The following PRR27 variants were observed in gnomAD, a reference collection of about 807,000 sequenced individuals.
The protein encoded by PRR27 is proline-rich protein 27.
In PRR27, 12 loss-of-function variants were observed where a neutral mutation model predicts 16.8. The observed-to-expected ratio is 0.71, with a 90% confidence interval of 0.46 to 1.16. The LOEUF (loss-of-function observed/expected upper bound fraction) is 1.16. Among genes scored for constraint, PRR27 ranks in the 50% most tolerant of loss-of-function variants. PRR27 has a pLI of 0.00. For missense variants in PRR27, 277 were observed against 273.3 expected (o/e 1.01, Z -0.10); for synonymous variants, 100 against 98.4 (o/e 1.02, Z -0.10).
chr4:70,158,267 C>A, intron 2 of PRR27, 61 bp from the exon 3 acceptor site: 1 of 1,015,420 alleles, frequency 9.8e-7, no homozygotes, highest in Non-Finnish European at 1.5e-6. Context: ...ACAGTTGTAC[C>A]ATAAGTAATA....
At position 70,162,843 on chromosome 4, in the gene PRR27, T is replaced by A. The variant is rs1260311998; in HGVS notation, c.*182T>A. The A allele has an allele frequency of 3.3e-5, 5 of 152,150 alleles. No homozygotes were observed. Among genetic ancestry groups the A allele is most frequent in the Non-Finnish European group, 7.3e-5 (5 of 68,032 alleles). 9.4% of individuals were successfully genotyped at this position (152,150 alleles called of 1,614,324 possible). ...GACTTAATTTATATTGAAAAAACATTGATAATTAAATAAATAAAATAGATA... is the reference window on the plus strand; with the variant it reads ...GACTTAATTTATATTGAAAAAACATAGATAATTAAATAAATAAAATAGATA... On this transcript the variant is annotated 3_prime_UTR_variant, in exon 5 of 5. Coordinates refer to ENST00000344526, the MANE Select transcript of PRR27 (RefSeq NM_214711.4).
intron 3 of PRR27, among the ~76,000 whole-genome samples, chr4:70,160,433 C>CTG (rs1484201599): frequency 3.9e-4 from 16 of 40,822 alleles, no homozygotes; most frequent in Non-Finnish European, 7.9e-4. Context: ...CTCTCTCTCT[C>CTG]TCTCTCTCTC....
At chr4:70,161,729 T>C (rs942867199) in intron 4 of PRR27, 99 bp downstream of exon 4, 1 of 513,746 alleles carries the variant, frequency 1.9e-6, no homozygotes, top group East Asian at 3.4e-5. Context: ...TTTTACTACA[T>C]GAAAATGAGA....
At chr4:70,156,024 C>T (rs1314205435) in intron 1 of PRR27, 30 bp from the exon 2 acceptor site, 2 of 1,372,098 alleles carry the variant, frequency 1.5e-6, no homozygotes, top group African/African-American at 1.5e-5. Flanking sequence ...AATACATAAC[C>T]GCATTAAAAT....
At chr4:70,160,431 C>CTGTGTGTGTG (rs1225227203) in intron 3 of PRR27, among the ~76,000 whole-genome samples, 1 of 58,632 alleles carries the variant, frequency 1.7e-5, no homozygotes, top group African/African-American at 4.4e-5. Context: ...CTCTCTCTCT[C>CTGTGTGTGTG]TCTCTCTCTC....
chr4:70,156,102 C>T, intron 2 of PRR27, 25 bp downstream of exon 2: 4 of 1,304,684 alleles, frequency 3.1e-6, no homozygotes, highest in Non-Finnish European at 4.1e-6. Context: ...TCTTTACACG[C>T]AAGTATATTT....
chr4:70,157,955 A>C (rs181111248), intron 2 of PRR27, among the ~76,000 whole-genome samples: 1,531 of 145,944 alleles, frequency 0.01, 13 homozygotes, highest in Middle Eastern at 0.039. Flanking sequence ...TGCTGAGCGC[A>C]GTGGGAAAGA....
intron 3 of PRR27, 147 bp downstream of exon 3, chr4:70,159,047 C>T: frequency 1.4e-6 from 1 of 721,344 alleles, no homozygotes; most frequent in Non-Finnish European, 2.3e-6. Context: ...CCACAAACTA[C>T]ACATATTGAA....
In PRR27 at chr4:70,154,336, C is replaced by T. The variant is rs1330491207; in HGVS notation, c.-40C>T. The T allele has an allele frequency of 6.7e-7, 1 of 1,484,382 alleles. No individual in the cohort carries two copies. The highest frequency in any genetic ancestry group is 1.4e-5 in the African/African-American group (1 of 71,676). 92.0% of individuals were successfully genotyped at this position (1,484,382 alleles called of 1,614,324 possible). ...AAAATACATTGCGTATTTTCTAAAA[C>T]AATAAATTTATAGTGTTAATATTCA... is the stretch of plus-strand genomic sequence containing the variant. On this transcript the variant is annotated 5_prime_UTR_variant, in exon 1 of 5. Coordinates refer to ENST00000344526, the MANE Select transcript of PRR27 (RefSeq NM_214711.4).
chr4:70,160,443 C>CTCTCTCTCTGTGTG (rs1298386504), intron 3 of PRR27, among the ~76,000 whole-genome samples: 53 of 68,704 alleles, frequency 7.7e-4, no homozygotes, highest in South Asian at 2.6e-3. Context: ...CTCTCTCTCT[C>CTCTCTCTCTGTGTG]TGTGTGTGTG....
chr4:70,159,647 C>T (rs1342297728), intron 3 of PRR27, among the ~76,000 whole-genome samples: 2 of 152,188 alleles, frequency 1.3e-5, no homozygotes, highest in East Asian at 1.9e-4. Context: ...CTATAACATA[C>T]ACAACGTGTA....
At position 70,161,688 on chromosome 4, in the gene PRR27, A is replaced by G. The variant is rs143077143; in HGVS notation, c.*33+58A>G. ...TATAGATAAAGAGGTTAAATCTCAT[A>G]ATCTGAAGCTACCTTGGAATGTATT... On this transcript the variant is annotated intron_variant, in intron 4 of 4. Coordinates refer to ENST00000344526, the MANE Select transcript of PRR27 (RefSeq NM_214711.4). 1,906 of 764,642 alleles carry G rather than the reference A, an allele frequency of 2.5e-3. 7 individuals carry two copies. The highest frequency in any genetic ancestry group is 2.3e-3 in the Non-Finnish European group (1,118 of 477,234). 47.4% of individuals were successfully genotyped at this position (764,642 alleles called of 1,614,324 possible). A position where few individuals can be genotyped will look rare whatever the true frequency, so the allele number is the denominator to read the frequency against.
At chr4:70,154,855 G>A (rs999553628) in intron 1 of PRR27, 2 of 945,916 alleles carry the variant, frequency 2.1e-6, no homozygotes, top group African/African-American at 1.7e-5. Flanking sequence ...CATACCTTTA[G>A]TGGACTGTAA....
intron 1 of PRR27, among the ~76,000 whole-genome samples, 174 bp from the exon 2 acceptor site, chr4:70,155,880 C>A (rs1162938099): frequency 6.6e-6 from 1 of 151,912 alleles, no homozygotes; most frequent in East Asian, 1.9e-4. Context: ...AGGTCAAAAC[C>A]ATGTAATGAT....
chr4:70,157,518 T>C (rs1320700002), intron 2 of PRR27, among the ~76,000 whole-genome samples: 1 of 151,516 alleles, frequency 6.6e-6, no homozygotes, highest in Non-Finnish European at 1.5e-5. Flanking sequence ...TTTATTTATT[T>C]TTATTTATAT....
At chr4:70,155,983 C>A in intron 1 of PRR27, 71 bp from the exon 2 acceptor site, 1 of 966,408 alleles carries the variant, frequency 1.0e-6, no homozygotes, top group South Asian at 1.5e-5. Flanking sequence ...AATTTTTCAG[C>A]AATATGGAAA....
chr4:70,159,910 A>G (rs1022484130), intron 3 of PRR27, among the ~76,000 whole-genome samples: 6 of 152,124 alleles, frequency 3.9e-5, no homozygotes, highest in African/African-American at 1.4e-4. Flanking sequence ...CCCTAGTACC[A>G]ATTGTGAGTA....
rs1261861783 is a variant in PRR27 at position 70,158,426 on chromosome 4, A to T, written c.174A>T (p.Thr58=). The T allele has an allele frequency of 1.2e-6, 2 of 1,613,344 alleles. No individual in the cohort carries two copies. The highest frequency in any genetic ancestry group is 4.5e-5 in the East Asian group (2 of 44,878). The change falls in exon 3 of 5, where the codon ACA becomes ACT. Residue 58 remains threonine, a synonymous_variant. Coordinates refer to ENST00000344526, the MANE Select transcript of PRR27 (RefSeq NM_214711.4). The stretch of plus-strand genomic sequence containing the variant: ...CTCTTTATTATCGCCCAGTGAATAC[A>T]GTCCCCAGTTACCCTGGGAATACTT... ...PPPLYYRPVN[T]VPSYPGNTYT...
intron 3 of PRR27, 48 bp from the exon 4 acceptor site, chr4:70,161,538 A>C (rs1728649264): frequency 8.0e-7 from 1 of 1,249,306 alleles, no homozygotes; most frequent in Non-Finnish European, 1.1e-6. Context: ...TATGAAATAA[A>C]GTACATTTGA....
Sources: allele counts gnomAD v4.1 joint callset (sites outside exome capture counted in the v4.1 genomes callset), GRCh38; gene constraint gnomAD v4.1.1; transcripts MANE v1.5; gene names NCBI Gene and HGNC (gene_info 2026-07-23, HGNC 2026-07-21).